CSMD1: variants seen among roughly 807,000 people sequenced by gnomAD.
CSMD1 encodes the protein CUB and Sushi multiple domains 1, also known as CUB and sushi domain-containing protein 1.
Under a neutral mutation model 417.5 loss-of-function variants are expected in CSMD1, and 213 were observed. That is an observed-to-expected ratio of 0.51 (90% CI 0.46 to 0.57). The LOEUF (loss-of-function observed/expected upper bound fraction) is 0.57, where lower values mean the gene tolerates loss of function less well. Ranked by LOEUF, CSMD1 falls within the 20% of genes least tolerant of loss-of-function variation. CSMD1 has a pLI of 0.00. For missense variants in CSMD1, 6,923 were observed against 4,529.7 expected, an observed-to-expected ratio of 1.53 and a Z score of -15.17; for synonymous variants, 2,862 against 1,736.8, an observed-to-expected ratio of 1.65 and a Z score of -16.11.
intron 54 of CSMD1, among the ~76,000 whole-genome samples, chr8:2,982,167 C>T (rs1406413553): frequency 6.6e-6 from 1 of 152,084 alleles, no homozygotes; most frequent in African/African-American, 2.4e-5. Flanking sequence ...ACCAGCCTGG[C>T]CAACACGGCG....
chr8:3,329,176 G>A (rs1280096162), intron 23 of CSMD1, among the ~76,000 whole-genome samples: 2 of 152,120 alleles, frequency 1.3e-5, no homozygotes, highest in African/African-American at 4.8e-5. Flanking sequence ...ACTCAAGAGG[G>A]CATTGAAAAA....
At chr8:3,708,345 T>C (rs1182438380) in intron 7 of CSMD1, 69 bp downstream of exon 7, 6 of 1,357,562 alleles carry the variant, frequency 4.4e-6, no homozygotes, top group Non-Finnish European at 6.3e-6. Flanking sequence ...GATCGCTTCT[T>C]AACTGCTCCA....
chr8:4,764,386 T>G (rs1812309505), intron 1 of CSMD1, among the ~76,000 whole-genome samples: 1 of 152,194 alleles, frequency 6.6e-6, no homozygotes, highest in South Asian at 2.1e-4. Flanking sequence ...GATTAATAAT[T>G]TTCTGGCATA....
chr8:4,513,566 G>A (rs574783880), intron 2 of CSMD1, among the ~76,000 whole-genome samples: 2 of 152,238 alleles, frequency 1.3e-5, no homozygotes, highest in South Asian at 2.1e-4. Flanking sequence ...CATATCAAGT[G>A]ACACACTGAT....
Position 3,929,416 on chromosome 8 carries a change from T to A in CSMD1, c.818+68487A>T, listed in dbSNP as rs567328338. 2.7e-5 allele frequency among the ~76,000 whole-genome samples: 4 copies of A among 150,456 alleles called. No homozygotes were observed. The East Asian group carries it at 7.8e-4, about 29-fold the overall frequency. On this transcript the variant is annotated intron_variant, in intron 5 of 69. Coordinates refer to ENST00000635120, the MANE Select transcript of CSMD1 (RefSeq NM_033225.6). Reference sequence around the variant, plus strand: ...AAGGGTGACAATGTAATTTCAACCTTCCCCACATGAGAAGTGGGTCCAAAA... The same window carrying A: ...AAGGGTGACAATGTAATTTCAACCTACCCCACATGAGAAGTGGGTCCAAAA...
intron 3 of CSMD1, among the ~76,000 whole-genome samples, chr8:4,196,837 A>G (rs1382802510): frequency 6.6e-6 from 1 of 152,110 alleles, no homozygotes; most frequent in African/African-American, 2.4e-5. Flanking sequence ...TGGGGGTGAT[A>G]TTTAGCCTGC....
chr8:3,271,249 C>G (rs1030779516), intron 26 of CSMD1, among the ~76,000 whole-genome samples: 4 of 151,980 alleles, frequency 2.6e-5, no homozygotes, highest in African/African-American at 4.8e-5. Flanking sequence ...CCCTACAAAG[C>G]ACATGAACTC....
chr8:3,372,727 C>G (rs543859267), intron 18 of CSMD1, among the ~76,000 whole-genome samples: 2 of 152,256 alleles, frequency 1.3e-5, no homozygotes, highest in African/African-American at 4.8e-5. Context: ...AGCTCCAAGT[C>G]TGCTGGGCTT....
rs71521812 is a variant in CSMD1 at position 3,214,128 on chromosome 8, G to A, written c.4867+369C>T. On this transcript the variant is annotated intron_variant, in intron 30 of 69. Transcript: ENST00000635120. ...TGAAGTGCTGGGATTACAGGCATGA[G>A]CTACCACGCCCGGCTAGAAGTAAGT... Among the ~76,000 whole-genome samples, 1,402 of 152,170 alleles carry A rather than the reference G, an allele frequency of 9.2e-3. 17 individuals are homozygous for A. The highest frequency in any genetic ancestry group is 0.016 in the Admixed American group (250 of 15,270).
chr8:2,937,197 T>C lies in CSMD1; in HGVS notation c.*1388A>G, dbSNP rs1012952485. On this transcript the variant is annotated 3_prime_UTR_variant, in exon 70 of 70. Transcript: ENST00000635120. Reference sequence around the variant, plus strand: ...ATCATAACTTATCATTTACCTATAATGGAATTTAAACTTGAAAAGTCACTG... The same window carrying C: ...ATCATAACTTATCATTTACCTATAACGGAATTTAAACTTGAAAAGTCACTG... The C allele has an allele frequency of 4.6e-5, 7 of 152,168 alleles. No individual in the cohort carries two copies. Among genetic ancestry groups the C allele is most frequent in the South Asian group, 2.1e-4 (1 of 4,830 alleles). 9.4% of individuals were successfully genotyped at this position (152,168 alleles called of 1,614,324 possible).
rs189524187 is a variant in CSMD1 at position 4,680,658 on chromosome 8, C to A, written c.86-43100G>T. Reference sequence around the variant, plus strand: ...GCAGTGGCATGATCTTGGCTCACTGCAACCTCTGCCTCCCAGGTTCAAGTG... The same window carrying A: ...GCAGTGGCATGATCTTGGCTCACTGAAACCTCTGCCTCCCAGGTTCAAGTG... On this transcript the variant is annotated intron_variant, in intron 1 of 69. Coordinates refer to ENST00000635120, the MANE Select transcript of CSMD1 (RefSeq NM_033225.6). Among the ~76,000 whole-genome samples the A allele has an allele frequency of 7.9e-5, 12 of 152,246 alleles. No individual in the cohort carries two copies. The East Asian group carries it at 1.6e-3, about 20-fold the overall frequency.
chr8:3,006,338 C>A (rs1312780898), intron 52 of CSMD1, among the ~76,000 whole-genome samples: 5 of 149,352 alleles, frequency 3.3e-5, no homozygotes, highest in Non-Finnish European at 1.5e-5. Flanking sequence ...GTGAAAATGG[C>A]CATACTGCCC....
chr8:3,022,819 C>T (rs766086800), intron 51 of CSMD1, among the ~76,000 whole-genome samples: 33 of 152,164 alleles, frequency 2.2e-4, no homozygotes, highest in African/African-American at 7.2e-4. Context: ...TGCAAATACA[C>T]GAAGGCACTC....
At chr8:3,559,988 T>A (rs1364474188) in intron 10 of CSMD1, among the ~76,000 whole-genome samples, 1 of 152,128 alleles carries the variant, frequency 6.6e-6, no homozygotes, top group East Asian at 1.9e-4. Context: ...TTTCTGGATT[T>A]CCTAACAAGA....
intron 5 of CSMD1, among the ~76,000 whole-genome samples, chr8:3,915,533 C>G (rs1025214300): frequency 6.6e-6 from 1 of 151,054 alleles, no homozygotes; most frequent in Non-Finnish European, 1.5e-5. Flanking sequence ...ATCATACGAT[C>G]AAATTCTAGC....
intron 3 of CSMD1, among the ~76,000 whole-genome samples, chr8:4,300,103 C>T (rs1797899324): frequency 6.6e-6 from 1 of 152,166 alleles, no homozygotes; most frequent in African/African-American, 2.4e-5. Context: ...TGCCCATTTG[C>T]TAATTAGGTA....
intron 7 of CSMD1, among the ~76,000 whole-genome samples, chr8:3,666,338 A>G (rs766010774): frequency 6.6e-6 from 1 of 152,256 alleles, no homozygotes; most frequent in Non-Finnish European, 1.5e-5. Flanking sequence ...CTTAAATGAT[A>G]TAAACGCCTG....
At chr8:4,185,424 G>C (rs922246902) in intron 3 of CSMD1, among the ~76,000 whole-genome samples, 16 of 152,068 alleles carry the variant, frequency 1.1e-4, no homozygotes, top group African/African-American at 2.9e-4. Context: ...ACATACACGT[G>C]TGAGCTTGAT....
intron 11 of CSMD1, among the ~76,000 whole-genome samples, chr8:3,492,951 A>AT (rs1796194604): frequency 6.6e-6 from 1 of 152,180 alleles, no homozygotes; most frequent in Admixed American, 6.5e-5. Flanking sequence ...TACCTCTTTA[A>AT]AAACCCTGAT....
Sources: gnomAD v4.1 joint callset for allele counts (sites outside exome capture counted in the v4.1 genomes callset) on GRCh38, gnomAD v4.1.1 for gene constraint, MANE v1.5 for transcripts, NCBI Gene and HGNC (gene_info 2026-07-23, HGNC 2026-07-21) for gene names.